The following PCDHGB2 variants were observed in gnomAD, a reference collection of about 807,000 sequenced individuals.
The protein encoded by PCDHGB2 is protocadherin gamma subfamily B, 2.
Under a neutral mutation model 59.3 loss-of-function variants are expected in PCDHGB2, and 55 were observed. That is an observed-to-expected ratio of 0.93 (90% CI 0.75 to 1.16). PCDHGB2 has a LOEUF of 1.16. Ranked by LOEUF, PCDHGB2 falls within the 50% of genes most tolerant of loss-of-function variation. The probability of loss-of-function intolerance (pLI) is 0.00; values close to 1 mark genes in which losing one functional copy is unlikely to be tolerated. For missense variants in PCDHGB2, 1,228 were observed against 1,198.5 expected (o/e 1.02, Z -0.36); for synonymous variants, 516 against 512.0 (o/e 1.01, Z -0.11).
chr5:141,417,713 C>G, intron 1 of PCDHGB2: 1 of 1,271,750 alleles, frequency 7.9e-7, no homozygotes, highest in Non-Finnish European at 1.1e-6. Flanking sequence ...CAGAGGCTCC[C>G]GGCTGCGCAG....
chr5:141,509,516 T>C (rs2099877144), intron 3 of PCDHGB2, among the ~76,000 whole-genome samples: 1 of 152,130 alleles, frequency 6.6e-6, no homozygotes, highest in Non-Finnish European at 1.5e-5. Context: ...GTGTTGATGA[T>C]GTATTGCACA....
chr5:141,400,361 C>G (rs776965891), intron 1 of PCDHGB2: 3 of 1,613,952 alleles, frequency 1.9e-6, no homozygotes, highest in Non-Finnish European at 2.5e-6. Flanking sequence ...GGGACTTTGC[C>G]TTATTCCTAC....
Position 141,432,562 on chromosome 5 carries a change from C to G in PCDHGB2, c.2422-62245C>G. On this transcript the variant is annotated intron_variant, in intron 1 of 3. Coordinates refer to ENST00000522605, the MANE Select transcript of PCDHGB2 (RefSeq NM_018923.3). The surrounding 1 kb of genome is among the most constrained non-coding windows in gnomAD (Gnocchi z 6.0). ...CGGTGGACAGAGACTCCGGCCAGAA[C>G]GCCTGGCTGTCCTACCGTCTGCTCA... 1 of 1,613,964 alleles carries G rather than the reference C, an allele frequency of 6.2e-7. No homozygotes were observed. Among genetic ancestry groups the G allele is most frequent in the Non-Finnish European group, 8.5e-7 (1 of 1,180,004 alleles).
chr5:141,443,309 C>T (rs2098379780), intron 1 of PCDHGB2, among the ~76,000 whole-genome samples: 1 of 131,436 alleles, frequency 7.6e-6, no homozygotes, highest in African/African-American at 3.4e-5. Flanking sequence ...GGCAAAAACC[C>T]ATCTCTACAA....
intron 1 of PCDHGB2, chr5:141,423,072 G>A: frequency 1.2e-6 from 2 of 1,614,120 alleles, no homozygotes; most frequent in Non-Finnish European, 1.7e-6. Flanking sequence ...CCAGCGAGCC[G>A]GGACTCTTCG....
At chr5:141,501,206 A>G (rs977574347) in intron 2 of PCDHGB2, among the ~76,000 whole-genome samples, 22 of 151,674 alleles carry the variant, frequency 1.5e-4, no homozygotes, top group African/African-American at 5.3e-4. Context: ...GGGTGTTGTC[A>G]GGGTGACTTC....
At chr5:141,399,762 C>T (rs1415096807) in intron 1 of PCDHGB2, 4 of 1,613,352 alleles carry the variant, frequency 2.5e-6, no homozygotes, top group Non-Finnish European at 2.5e-6. Flanking sequence ...TGAGCCTGCG[C>T]GTGTTGGTGG....
At position 141,432,724 on chromosome 5, in the gene PCDHGB2, C is replaced by T. The variant is rs752394602; in HGVS notation, c.2422-62083C>T. ...AGGACCACGGCCAGCCCCCTCTCTCCGCCACTGTCACGCTCACCGTGGCCG... is the reference window on the plus strand; with the variant it reads ...AGGACCACGGCCAGCCCCCTCTCTCTGCCACTGTCACGCTCACCGTGGCCG... On this transcript the variant is annotated intron_variant, in intron 1 of 3. Coordinates refer to ENST00000522605, the MANE Select transcript of PCDHGB2 (RefSeq NM_018923.3). The surrounding 1 kb of genome is among the most constrained non-coding windows in gnomAD (Gnocchi z 6.0). The T allele has an allele frequency of 8.1e-6, 13 of 1,614,066 alleles. No individual in the cohort carries two copies. Among genetic ancestry groups the T allele is most frequent in the Middle Eastern group, 1.6e-4 (1 of 6,062 alleles).
chr5:141,428,015 A>G, intron 1 of PCDHGB2: 5 of 1,604,042 alleles, frequency 3.1e-6, no homozygotes, highest in Non-Finnish European at 3.4e-6. Flanking sequence ...ATATAGTGCC[A>G]CGCGCCGCAG....
At chr5:141,420,417 A>C (rs112493756) in intron 1 of PCDHGB2, 20 of 1,211,742 alleles carry the variant, frequency 1.7e-5, no homozygotes, top group Admixed American at 1.1e-4. Flanking sequence ...ATCATTATTA[A>C]AACAAAAGTT....
At position 141,360,571 on chromosome 5, in the gene PCDHGB2, A is replaced by T; in HGVS notation, c.436A>T (p.Thr146Ser). 2 of 1,613,992 alleles carry T rather than the reference A, an allele frequency of 1.2e-6. No homozygotes were observed. The highest frequency in any genetic ancestry group is 1.7e-6 in the Non-Finnish European group (2 of 1,179,898). ...GATTAATTTAAAAATTGGCGAATCC[A>T]CTAAGCCAGGTACAACATTTCCACT... ...TKINLKIGES[T>S]KPGTTFPLDP... Residue 146 changes from threonine (T) to serine (S), a missense_variant, in exon 1 of 4, where the codon ACT becomes TCT. Coordinates refer to ENST00000522605, the MANE Select transcript of PCDHGB2 (RefSeq NM_018923.3).
intron 2 of PCDHGB2, among the ~76,000 whole-genome samples, chr5:141,497,478 C>T (rs974494984): frequency 6.0e-5 from 9 of 150,954 alleles, no homozygotes; most frequent in South Asian, 4.2e-4. Context: ...GGAGAAGGTG[C>T]GGAACCTCTC....
intron 1 of PCDHGB2, chr5:141,399,115 G>C: frequency 6.2e-7 from 1 of 1,613,814 alleles, no homozygotes; most frequent in Non-Finnish European, 8.5e-7. Context: ...ATGTACAGTT[G>C]AAATTAATAT....
intron 2 of PCDHGB2, among the ~76,000 whole-genome samples, chr5:141,495,758 C>T (rs2099763543): frequency 6.6e-6 from 1 of 152,122 alleles, no homozygotes; most frequent in Non-Finnish European, 1.5e-5. Flanking sequence ...ATCTCTGCCT[C>T]CCTGTCCTTG....
At position 141,476,387 on chromosome 5, in the gene PCDHGB2, C is replaced by A. The variant is rs147660262; in HGVS notation, c.2422-18420C>A. ...GACCGGAGAGATGTTTGTGAACGAC[C>A]GTCTGGATCGAGAGGAGCTGTGTGG... is the stretch of plus-strand genomic sequence containing the variant. On this transcript the variant is annotated intron_variant, in intron 1 of 3. Transcript: ENST00000522605. The surrounding 1 kb of genome is among the most constrained non-coding windows in gnomAD (Gnocchi z 7.6). 1.2e-6 allele frequency: 2 copies of A among 1,614,076 alleles called. No individual in the cohort carries two copies. Among genetic ancestry groups the A allele is most frequent in the Non-Finnish European group, 8.5e-7 (1 of 1,180,024 alleles).
In PCDHGB2 at chr5:141,490,770, C is replaced by T. The variant is rs774014462; in HGVS notation, c.2422-4037C>T. 1.2e-6 allele frequency: 2 copies of T among 1,614,120 alleles called. No individual in the cohort carries two copies. Among genetic ancestry groups the T allele is most frequent in the Non-Finnish European group, 8.5e-7 (1 of 1,179,968 alleles). ...CAGCCTCCTCCTTTGTGTATGTCAA[C>T]CCAGAGGATGGACGGATCTTTGCCC... On this transcript the variant is annotated intron_variant, in intron 1 of 3. Transcript: ENST00000522605. The surrounding 1 kb of genome is among the most constrained non-coding windows in gnomAD (Gnocchi z 5.4).
intron 1 of PCDHGB2, chr5:141,415,172 T>G (rs770772038): frequency 1.2e-6 from 2 of 1,613,882 alleles, no homozygotes; most frequent in Non-Finnish European, 1.7e-6. Context: ...ACGCTCACCG[T>G]GGCCGTGGCC....
At chr5:141,466,027 CAGG>C (rs1174989171) in intron 1 of PCDHGB2, among the ~76,000 whole-genome samples, 1 of 151,890 alleles carries the variant, frequency 6.6e-6, no homozygotes, top group African/African-American at 2.4e-5. Context: ...GAGGGTGAGG[CAGG>C]AGAACGGCAT....
At position 141,362,380 on chromosome 5, in the gene PCDHGB2, C is replaced by A; in HGVS notation, c.2245C>A (p.Pro749Thr). ...VLPNYSEGTL[P>T]YSYNLCVASQ... ...CCCCAATTACAGTGAGGGTACATTG[C>A]CCTATTCCTACAACCTGTGTGTTGC... Residue 749 changes from proline (P) to threonine (T), a missense_variant, in exon 1 of 4, where the codon CCC becomes ACC. Pro to Thr is a conservative substitution (Grantham distance 38, BLOSUM62 -1). Coordinates refer to ENST00000522605, the MANE Select transcript of PCDHGB2 (RefSeq NM_018923.3). The A allele has an allele frequency of 2.5e-6, 4 of 1,614,026 alleles. No individual in the cohort carries two copies. The highest frequency in any genetic ancestry group is 3.4e-6 in the Non-Finnish European group (4 of 1,179,888).
Sources: gnomAD v4.1 joint callset for allele counts (sites outside exome capture counted in the v4.1 genomes callset) on GRCh38, gnomAD v4.1.1 for gene constraint, Gnocchi (gnomAD v3.1) non-coding constraint, MANE v1.5 for transcripts, NCBI Gene and HGNC (gene_info 2026-07-23, HGNC 2026-07-21) for gene names.